Variants in INPP5A observed in about 807,000 individuals in gnomAD.
INPP5A encodes the protein inositol polyphosphate-5-phosphatase A.
In INPP5A, 14 loss-of-function variants were observed where a neutral mutation model predicts 65.2. The ratio of observed to expected loss-of-function variants is 0.21; its 90% CI spans 0.14 to 0.34. INPP5A has a LOEUF of 0.34. INPP5A is among the 10% of genes least tolerant of loss of function. The pLI, the probability that INPP5A is intolerant of heterozygous loss-of-function variation, is 1.00. For synonymous variants in INPP5A, 207 were observed against 208.3 expected, an observed-to-expected ratio of 0.99 and a Z score of 0.05; for missense variants, 431 against 545.6, an observed-to-expected ratio of 0.79 and a Z score of 2.09.
rs1845357621 is a variant in INPP5A at position 132,697,143 on chromosome 10, C to T, written c.371-673C>T. On this transcript the variant is annotated intron_variant, in intron 5 of 15. Transcript: ENST00000368594. This position sits in a 1 kb window ranked among gnomAD's most constrained non-coding sequence, Gnocchi z 5.6. ...GCCAGCAGCCACCTGCCCACTGGAC[C>T]CAGCAGGAGTTTGAGGAATGGATCC... Among the ~76,000 whole-genome samples the T allele has an allele frequency of 6.6e-6, 1 of 152,242 alleles. No homozygotes were observed. Among genetic ancestry groups the T allele is most frequent in the Non-Finnish European group, 1.5e-5 (1 of 68,048 alleles).
intron 11 of INPP5A, among the ~76,000 whole-genome samples, chr10:132,763,371 G>T (rs1176413856): frequency 6.6e-6 from 1 of 152,270 alleles, no homozygotes; most frequent in Non-Finnish European, 1.5e-5. Context: ...GCCCACGCTG[G>T]ACTGGGGACG....
intron 2 of INPP5A, among the ~76,000 whole-genome samples, chr10:132,626,922 G>A (rs1015486263): frequency 5.3e-5 from 8 of 152,190 alleles, no homozygotes; most frequent in Admixed American, 1.3e-4. Context: ...TGGCACTGGG[G>A]CGGGGTGGGT....
chr10:132,589,769 C>T (rs918729805), intron 1 of INPP5A, among the ~76,000 whole-genome samples: 3 of 152,242 alleles, frequency 2.0e-5, no homozygotes, highest in South Asian at 2.1e-4. Context: ...GAGGTGGCCT[C>T]GGACTCCAAG....
chr10:132,780,066 C>T (rs1289331392), intron 13 of INPP5A, among the ~76,000 whole-genome samples: 1 of 152,258 alleles, frequency 6.6e-6, no homozygotes, highest in Admixed American at 6.5e-5. Context: ...CTCATGCATG[C>T]GGTGCCGAAG....
intron 4 of INPP5A, among the ~76,000 whole-genome samples, chr10:132,677,594 G>A (rs2072983945): frequency 6.6e-6 from 1 of 152,230 alleles, no homozygotes; most frequent in Admixed American, 6.5e-5. Context: ...GGAGAAGCCT[G>A]CCGCAGGCTG....
In INPP5A at chr10:132,651,109, C is replaced by T. The variant is rs1214685590; in HGVS notation, c.306+604C>T. Among the ~76,000 whole-genome samples, 1 of 152,170 alleles carries T rather than the reference C, an allele frequency of 6.6e-6. No homozygotes were observed. The highest frequency in any genetic ancestry group is 1.5e-5 in the Non-Finnish European group (1 of 68,014). ...GTGGCAGCCACAGAGATACAGGCAC[C>T]AGGTGTCTGGGAAGGGGCAGGAAGC... On this transcript the variant is annotated intron_variant, in intron 4 of 15. Coordinates refer to ENST00000368594, the MANE Select transcript of INPP5A (RefSeq NM_005539.5). The surrounding 1 kb of genome is among the most constrained non-coding windows in gnomAD (Gnocchi z 5.0).
rs1454506695 is a variant in INPP5A at position 132,650,112 on chromosome 10, C to T, written c.219-306C>T. Among the ~76,000 whole-genome samples the T allele has an allele frequency of 1.3e-5, 2 of 152,180 alleles. No individual in the cohort carries two copies. Among genetic ancestry groups the T allele is most frequent in the Non-Finnish European group, 2.9e-5 (2 of 68,028 alleles). ...GCCCCCAGAGCTTGGAGTTGCGCTT[C>T]CCTGGCATGAGACCTTGGGTGAGTT... is the stretch of plus-strand genomic sequence containing the variant. On this transcript the variant is annotated intron_variant, in intron 3 of 15. Coordinates refer to ENST00000368594, the MANE Select transcript of INPP5A (RefSeq NM_005539.5). The surrounding 1 kb of genome is among the most constrained non-coding windows in gnomAD (Gnocchi z 5.5).
In INPP5A at chr10:132,663,716, G is replaced by T. The variant is rs1210917984; in HGVS notation, c.306+13211G>T. ...GTGGCAGCCGTCTGCATGACTTTGG[G>T]TCATTGCGCTTTCCTTGCCTTTTGG... On this transcript the variant is annotated intron_variant, in intron 4 of 15. Coordinates refer to ENST00000368594, the MANE Select transcript of INPP5A (RefSeq NM_005539.5). This position sits in a 1 kb window ranked among gnomAD's most constrained non-coding sequence, Gnocchi z 4.5. 6.6e-6 allele frequency among the ~76,000 whole-genome samples: 1 copy of T among 152,196 alleles called. No homozygotes were observed. The highest frequency in any genetic ancestry group is 1.5e-5 in the Non-Finnish European group (1 of 68,050).
intron 11 of INPP5A, among the ~76,000 whole-genome samples, chr10:132,758,107 G>T (rs1270887559): frequency 7.5e-6 from 1 of 134,224 alleles, no homozygotes; most frequent in Admixed American, 7.3e-5. Context: ...GCACCATGGC[G>T]TGGGTCCCCG....
rs1845523897 is a variant in INPP5A, at chr10:132,705,482, A to G, written c.475-2831A>G. On this transcript the variant is annotated intron_variant, in intron 6 of 15. Coordinates refer to ENST00000368594, the MANE Select transcript of INPP5A (RefSeq NM_005539.5). The surrounding 1 kb of genome is among the most constrained non-coding windows in gnomAD (Gnocchi z 4.9). ...GCACAGCAGGGGATGTGGGCTCAGT[A>G]CCAGAGCCAGCTCGTGGTGTGAGGA... Among the ~76,000 whole-genome samples the G allele has an allele frequency of 6.6e-6, 1 of 152,212 alleles. No individual in the cohort carries two copies.
chr10:132,581,471 CT>C (rs2133300193), intron 1 of INPP5A, among the ~76,000 whole-genome samples: 1 of 152,336 alleles, frequency 6.6e-6, no homozygotes, highest in East Asian at 1.9e-4. Context: ...GGCTCTGGAA[CT>C]TTCCCAGGCC....
At chr10:132,669,567 C>G (rs900972735) in intron 4 of INPP5A, among the ~76,000 whole-genome samples, 8 of 152,208 alleles carry the variant, frequency 5.3e-5, no homozygotes, top group African/African-American at 1.9e-4. Flanking sequence ...ACATTTCAGC[C>G]TGGCTTAGCT....
intron 1 of INPP5A, among the ~76,000 whole-genome samples, 184 bp from the exon 2 acceptor site, chr10:132,607,731 A>G (rs1253916180): frequency 6.6e-6 from 1 of 152,228 alleles, no homozygotes; most frequent in Non-Finnish European, 1.5e-5. Flanking sequence ...CGGAGCCCCC[A>G]CACAGAGCGG....
chr10:132,771,617 C>T (rs1027166971), intron 12 of INPP5A, among the ~76,000 whole-genome samples: 6 of 150,652 alleles, frequency 4.0e-5, no homozygotes, highest in African/African-American at 1.5e-4. Flanking sequence ...AAGAGTGGGA[C>T]GGACACTCAG....
In INPP5A at chr10:132,675,346, T is replaced by G. The variant is rs539778374; in HGVS notation, c.307-15046T>G. ...TTGAAGGTGAAATAGACATTTTAAC[T>G]CAAATGAAAAACAGTAAGTACTAAC... On this transcript the variant is annotated intron_variant, in intron 4 of 15. Transcript: ENST00000368594. The surrounding 1 kb of genome is among the most constrained non-coding windows in gnomAD (Gnocchi z 4.2). 5.4e-4 allele frequency among the ~76,000 whole-genome samples: 82 copies of G among 152,260 alleles called. No individual in the cohort carries two copies. Among genetic ancestry groups the G allele is most frequent in the South Asian group, 3.7e-3 (18 of 4,826 alleles).
intron 8 of INPP5A, among the ~76,000 whole-genome samples, chr10:132,725,232 A>G (rs1845965339): frequency 6.6e-6 from 1 of 152,254 alleles, no homozygotes; most frequent in Non-Finnish European, 1.5e-5. Flanking sequence ...ATGAACTCCT[A>G]CGCTCCATAG....
intron 2 of INPP5A, among the ~76,000 whole-genome samples, chr10:132,615,490 G>A (rs1305817186): frequency 6.6e-6 from 1 of 152,230 alleles, no homozygotes; most frequent in Non-Finnish European, 1.5e-5. Context: ...AGTGGAGTTG[G>A]AGGAAGTGGC....
Position 132,674,219 on chromosome 10 carries a change from A to G in INPP5A, c.307-16173A>G, listed in dbSNP as rs1419304794. ...CTCTTCCCCAGATTTCTTTGTCACA[A>G]TTTTCCAATCATGCTTCTTCCAAGT... On this transcript the variant is annotated intron_variant, in intron 4 of 15. Transcript: ENST00000368594. This position sits in a 1 kb window ranked among gnomAD's most constrained non-coding sequence, Gnocchi z 4.4. Among the ~76,000 whole-genome samples the G allele has an allele frequency of 2.0e-5, 3 of 152,080 alleles. No homozygotes were observed. The highest frequency in any genetic ancestry group is 4.4e-5 in the Non-Finnish European group (3 of 68,014).
At chr10:132,688,976 TATGTGTGCAA>T (rs1374168185) in intron 4 of INPP5A, among the ~76,000 whole-genome samples, 1 of 151,640 alleles carries the variant, frequency 6.6e-6, no homozygotes, top group African/African-American at 2.4e-5. Flanking sequence ...TGCATGAGTG[TATGTGTGCAA>T]GTGTGTGTGA....
Sources: gnomAD v4.1 joint callset for allele counts (sites outside exome capture counted in the v4.1 genomes callset) on GRCh38, gnomAD v4.1.1 for gene constraint, Gnocchi (gnomAD v3.1) non-coding constraint, MANE v1.5 for transcripts, NCBI Gene and HGNC (gene_info 2026-07-23, HGNC 2026-07-21) for gene names.